Variants in UBAP2 observed in about 807,000 individuals in gnomAD.
UBAP2 encodes the protein ubiquitin associated protein 2.
UBAP2 carries 75 observed loss-of-function variants against 139.6 expected under a neutral mutation model. That is an observed-to-expected ratio of 0.54 (90% CI 0.45 to 0.65). UBAP2 has a LOEUF of 0.65. Ranked by LOEUF, UBAP2 falls within the 30% of genes least tolerant of loss-of-function variation. UBAP2 has a pLI of 0.00. For synonymous variants in UBAP2, 526 were observed against 526.2 expected (o/e 1.00, Z 0.01); for missense variants, 1,368 against 1,369.6 (o/e 1.00, Z 0.02).
intron 12 of UBAP2, among the ~76,000 whole-genome samples, chr9:33,950,396 A>G (rs1826001707): frequency 6.6e-6 from 1 of 152,194 alleles, no homozygotes; most frequent in Non-Finnish European, 1.5e-5. Flanking sequence ...ATATCCATTT[A>G]AGGTCAAAAA....
Position 34,021,088 on chromosome 9 carries a change from G to T in UBAP2, c.-41-3899C>A, listed in dbSNP as rs575332719. ...CATTACAACATTTCTACATATTTTT[G>T]ATCTGTGTATCATAAAATAAAATAG... On this transcript the variant is annotated intron_variant, in intron 1 of 28. Coordinates refer to ENST00000379238, the MANE Select transcript of UBAP2 (RefSeq NM_001370062.2). 4.6e-5 allele frequency among the ~76,000 whole-genome samples: 7 copies of T among 152,134 alleles called. No homozygotes were observed. In the South Asian group the frequency reaches 1.5e-3, roughly 32 times the overall value.
intron 19 of UBAP2, chr9:33,928,460 T>C (rs1393759422): frequency 6.5e-6 from 1 of 154,360 alleles, no homozygotes; most frequent in African/African-American, 2.4e-5. Flanking sequence ...ATTTCCCTTC[T>C]ATTGGGATTC....
At chr9:33,984,583 T>C (rs1250852553) in intron 6 of UBAP2, among the ~76,000 whole-genome samples, 1 of 150,966 alleles carries the variant, frequency 6.6e-6, no homozygotes, top group African/African-American at 2.4e-5. Context: ...GAGGCTGAGG[T>C]GGAAGTATCA....
At chr9:33,960,106 TA>T (rs1205747274) in intron 10 of UBAP2, among the ~76,000 whole-genome samples, 21 of 151,980 alleles carry the variant, frequency 1.4e-4, no homozygotes, top group Non-Finnish European at 1.5e-4. Flanking sequence ...ATTTTTTTAT[TA>T]TTTTTTTTTT....
chr9:33,940,155 T>A (rs1218046386), intron 16 of UBAP2, among the ~76,000 whole-genome samples: 1 of 152,060 alleles, frequency 6.6e-6, no homozygotes, highest in African/African-American at 2.4e-5. Flanking sequence ...AGACATCGGA[T>A]GCATGCAGGC....
At chr9:33,964,259 A>G (rs1238864005) in intron 8 of UBAP2, among the ~76,000 whole-genome samples, 1 of 152,150 alleles carries the variant, frequency 6.6e-6, no homozygotes, top group Non-Finnish European at 1.5e-5. Context: ...CAACAAGCCA[A>G]TACCATTCTG....
At chr9:33,962,594 TGAG>T (rs1178201886) in intron 9 of UBAP2, among the ~76,000 whole-genome samples, 1 of 150,374 alleles carries the variant, frequency 6.7e-6, no homozygotes, top group East Asian at 2.0e-4. Context: ...TGCAGTGAGC[TGAG>T]ATCATGCCAC....
intron 1 of UBAP2, among the ~76,000 whole-genome samples, chr9:34,035,309 C>T (rs532871188): frequency 1.3e-5 from 2 of 151,270 alleles, no homozygotes; most frequent in Admixed American, 1.3e-4. Flanking sequence ...TCAAGACCAG[C>T]CTGGCCAACA....
chr9:33,977,498 G>C (rs1820250644), intron 6 of UBAP2, among the ~76,000 whole-genome samples: 1 of 152,088 alleles, frequency 6.6e-6, no homozygotes, highest in Admixed American at 6.6e-5. Flanking sequence ...GGAATGAACA[G>C]ATTAATCTAG....
At chr9:33,945,969 T>G (rs2130942954) in intron 13 of UBAP2, among the ~76,000 whole-genome samples, 1 of 152,368 alleles carries the variant, frequency 6.6e-6, no homozygotes. Flanking sequence ...CTTCACAGGG[T>G]AAATATATTT....
intron 12 of UBAP2, chr9:33,948,788 TC>T (rs1240660512): frequency 8.2e-6 from 4 of 490,418 alleles, no homozygotes; most frequent in Non-Finnish European, 1.4e-5. Context: ...CTATCCTTCC[TC>T]ATTCTGACAT....
At chr9:34,008,358 AT>A (rs1470916968) in intron 2 of UBAP2, among the ~76,000 whole-genome samples, 1 of 151,580 alleles carries the variant, frequency 6.6e-6, no homozygotes, top group Non-Finnish European at 1.5e-5. Context: ...AAAATGAGTA[AT>A]TTTGGGATAA....
chr9:34,039,360 C>T (rs889483644), intron 1 of UBAP2, among the ~76,000 whole-genome samples: 3 of 152,238 alleles, frequency 2.0e-5, no homozygotes, highest in Non-Finnish European at 4.4e-5. Flanking sequence ...GTGTACCCAA[C>T]TGCTCATTGA....
chr9:33,924,236 C>T lies in UBAP2; in HGVS notation c.2560G>A (p.Asp854Asn), dbSNP rs762361425. The T allele has an allele frequency of 6.2e-7, 1 of 1,614,194 alleles. No individual in the cohort carries two copies. Residue 854 changes from aspartate (D) to asparagine (N), a missense_variant, in exon 23 of 29, where the codon GAT becomes AAT. Physicochemically the swap from Asp to Asn is conservative, Grantham distance 23. Coordinates refer to ENST00000379238, the MANE Select transcript of UBAP2 (RefSeq NM_001370062.2). ...FAAPTALASR[D>N]GSLANNPYPG... ...TATGGATTATTAGCTAGGCTCCCATCTCGGCTGGCAAGCGCTGTGGGTGCA... is the reference window on the plus strand; with the variant it reads ...TATGGATTATTAGCTAGGCTCCCATTTCGGCTGGCAAGCGCTGTGGGTGCA...
At chr9:34,033,059 G>T (rs1211844755) in intron 1 of UBAP2, among the ~76,000 whole-genome samples, 2 of 152,110 alleles carry the variant, frequency 1.3e-5, no homozygotes, top group Non-Finnish European at 2.9e-5. Context: ...ACAATTTGGA[G>T]GTTCTGGAAA....
At chr9:33,943,355 C>A in intron 15 of UBAP2, 65 bp downstream of exon 15, 4 of 1,523,778 alleles carry the variant, frequency 2.6e-6, no homozygotes, top group South Asian at 1.2e-5. Context: ...AGGATGTATT[C>A]TTTTCCACCA....
intron 1 of UBAP2, among the ~76,000 whole-genome samples, chr9:34,048,238 A>C (rs1315294997): frequency 2.0e-5 from 3 of 152,246 alleles, no homozygotes; most frequent in Non-Finnish European, 2.9e-5. Context: ...TAAATAATGA[A>C]CTGTGATATA....
intron 8 of UBAP2, among the ~76,000 whole-genome samples, chr9:33,967,706 G>A (rs1827577716): frequency 1.3e-5 from 2 of 152,172 alleles, no homozygotes; most frequent in South Asian, 4.1e-4. Context: ...ATTAATTTCT[G>A]AAAATCAGAA....
At chr9:34,000,821 C>T (rs1164828767) in intron 2 of UBAP2, among the ~76,000 whole-genome samples, 1 of 152,178 alleles carries the variant, frequency 6.6e-6, no homozygotes, top group East Asian at 1.9e-4. Flanking sequence ...ATACAAACTC[C>T]AGGTGCTTTG....
Sources: gnomAD v4.1 joint callset for allele counts (sites outside exome capture counted in the v4.1 genomes callset) on GRCh38, gnomAD v4.1.1 for gene constraint, MANE v1.5 for transcripts, NCBI Gene and HGNC (gene_info 2026-07-23, HGNC 2026-07-21) for gene names.